ICA1: variants seen among roughly 807,000 people sequenced by gnomAD.
ICA1 encodes 69 kDa islet cell autoantigen.
Under a neutral mutation model 71.0 loss-of-function variants are expected in ICA1, and 40 were observed. The ratio of observed to expected loss-of-function variants is 0.56; its 90% CI spans 0.44 to 0.73. ICA1 has a LOEUF of 0.73. Among genes scored for constraint, ICA1 ranks in the 30% least tolerant of loss-of-function variants. The probability of loss-of-function intolerance (pLI) is 0.00; values close to 1 mark genes in which losing one functional copy is unlikely to be tolerated. For missense variants in ICA1, 578 were observed against 576.5 expected (o/e 1.00, Z -0.03); for synonymous variants, 207 against 209.5 (o/e 0.99, Z 0.10).
intron 12 of ICA1, among the ~76,000 whole-genome samples, chr7:8,136,495 T>C (rs1793467213): frequency 6.6e-6 from 1 of 152,210 alleles, no homozygotes; most frequent in Non-Finnish European, 1.5e-5. Flanking sequence ...CCACAAGTTC[T>C]CTGTGCACTG....
chr7:8,114,170 T>A, intron 13 of ICA1, 126 bp from the exon 14 acceptor site: 1 of 1,036,872 alleles, frequency 9.6e-7, no homozygotes, highest in Non-Finnish European at 1.4e-6. Flanking sequence ...CCCTTTGCAC[T>A]CTCTCTGACA....
chr7:8,129,346 A>G (rs940624360), intron 12 of ICA1, among the ~76,000 whole-genome samples: 2 of 152,006 alleles, frequency 1.3e-5, no homozygotes, highest in African/African-American at 4.8e-5. Flanking sequence ...TCAAATGTAT[A>G]AGATAATTAG....
chr7:8,150,925 G>A (rs1207103576), intron 8 of ICA1, among the ~76,000 whole-genome samples: 2 of 152,216 alleles, frequency 1.3e-5, no homozygotes, highest in African/African-American at 2.4e-5. Flanking sequence ...CCAATCTTCT[G>A]CACAATGGGC....
At chr7:8,189,553 A>G (rs952829944) in intron 6 of ICA1, among the ~76,000 whole-genome samples, 2 of 152,158 alleles carry the variant, frequency 1.3e-5, no homozygotes, top group Admixed American at 1.3e-4. Context: ...CCATGGAGGC[A>G]GGTTTTTTCT....
intron 1 of ICA1, among the ~76,000 whole-genome samples, chr7:8,255,352 G>A (rs1288177296): frequency 6.6e-6 from 1 of 152,056 alleles, no homozygotes; most frequent in East Asian, 1.9e-4. Flanking sequence ...TTCTTGAAAT[G>A]CTCCTCTTCC....
intron 4 of ICA1, 29 bp from the exon 5 acceptor site, chr7:8,221,427 T>C: frequency 5.0e-6 from 8 of 1,611,278 alleles, no homozygotes; most frequent in Non-Finnish European, 6.8e-6. Context: ...AAAGGAGCCA[T>C]GAACAATGAG....
In ICA1 at chr7:8,126,580, G is replaced by A. The variant is rs903573715; in HGVS notation, c.1330+1293C>T. 6.6e-5 allele frequency among the ~76,000 whole-genome samples: 10 copies of A among 150,422 alleles called. 1 individual carries two copies. The East Asian group carries it at 7.8e-4, about 12-fold the overall frequency. On this transcript the variant is annotated intron_variant, in intron 13 of 13. Coordinates refer to ENST00000402384, the MANE Select transcript of ICA1 (RefSeq NM_001136020.3). ...TTTTTTGTCTTGCCCACCAACTCTT[G>A]TGTCCATGATCTCATCTCCAAAGAC...
chr7:8,214,713 C>T (rs560236003), intron 6 of ICA1, among the ~76,000 whole-genome samples: 1 of 152,268 alleles, frequency 6.6e-6, no homozygotes, highest in East Asian at 1.9e-4. Context: ...GGCCTCTGTG[C>T]TTCACAGGGT....
At chr7:8,210,480 T>C (rs1237893674) in intron 6 of ICA1, among the ~76,000 whole-genome samples, 1 of 152,200 alleles carries the variant, frequency 6.6e-6, no homozygotes, top group Non-Finnish European at 1.5e-5. Flanking sequence ...GAAGTCGAAC[T>C]AAAAGCAGAA....
intron 7 of ICA1, 51 bp downstream of exon 7, chr7:8,158,476 T>C: frequency 6.2e-7 from 1 of 1,606,798 alleles, no homozygotes; most frequent in Non-Finnish European, 8.5e-7. Flanking sequence ...TTTGATGTTA[T>C]TTAAACCTTG....
upstream of ICA1, chr7:8,262,270 C>T (rs1017768440): frequency 1.3e-5 from 2 of 151,988 alleles, no homozygotes; most frequent in Admixed American, 6.6e-5. Flanking sequence ...CCCGTGCGCA[C>T]CGCAGCGCAG....
chr7:8,254,910 G>A (rs1366582570), intron 1 of ICA1, among the ~76,000 whole-genome samples: 1 of 152,124 alleles, frequency 6.6e-6, no homozygotes. Context: ...CCTGCAGGGT[G>A]GTGACAGGCA....
chr7:8,219,449 ATGCCTTACG>A (rs1343552003), intron 5 of ICA1, among the ~76,000 whole-genome samples: 1 of 152,256 alleles, frequency 6.6e-6, no homozygotes, highest in Non-Finnish European at 1.5e-5. Context: ...AACGTCTGCA[ATGCCTTACG>A]TGCGTGTAGC....
intron 1 of ICA1, among the ~76,000 whole-genome samples, chr7:8,243,839 A>G (rs1050534084): frequency 1.3e-5 from 2 of 152,204 alleles, no homozygotes; most frequent in Non-Finnish European, 2.9e-5. Context: ...AGAATAAAAT[A>G]CCCAGGAATC....
At chr7:8,184,705 A>G (rs1055750004) in intron 6 of ICA1, among the ~76,000 whole-genome samples, 3 of 152,270 alleles carry the variant, frequency 2.0e-5, no homozygotes, top group African/African-American at 7.2e-5. Context: ...GCAAGAGTAT[A>G]GAAAAGATAT....
At chr7:8,255,558 A>T (rs1307511334) in intron 1 of ICA1, among the ~76,000 whole-genome samples, 1 of 152,088 alleles carries the variant, frequency 6.6e-6, no homozygotes, top group Non-Finnish European at 1.5e-5. Context: ...TATGCCAACA[A>T]CTTCCAAAAT....
chr7:8,180,322 T>C (rs550346407), intron 6 of ICA1, among the ~76,000 whole-genome samples: 1 of 152,286 alleles, frequency 6.6e-6, no homozygotes, highest in South Asian at 2.1e-4. Context: ...ATCACACCCA[T>C]GACAGTCATC....
At chr7:8,184,814 C>G (rs993687852) in intron 6 of ICA1, among the ~76,000 whole-genome samples, 1 of 152,168 alleles carries the variant, frequency 6.6e-6, no homozygotes, top group African/African-American at 2.4e-5. Flanking sequence ...GTGGCTTGCA[C>G]CTGTAATACC....
At chr7:8,246,257 C>A (rs1304087720) in intron 1 of ICA1, among the ~76,000 whole-genome samples, 1 of 152,218 alleles carries the variant, frequency 6.6e-6, no homozygotes, top group Non-Finnish European at 1.5e-5. Context: ...TTGTGTTTCA[C>A]AGTTAAACTG....
Sources: allele counts gnomAD v4.1 joint callset (sites outside exome capture counted in the v4.1 genomes callset), GRCh38; gene constraint gnomAD v4.1.1; transcripts MANE v1.5; gene names NCBI Gene and HGNC (gene_info 2026-07-23, HGNC 2026-07-21).